RNF144B: variants seen among roughly 807,000 people sequenced by gnomAD.
The protein encoded by RNF144B is ring finger protein 144B, also known as E3 ubiquitin-protein ligase RNF144B.
In RNF144B, 25 loss-of-function variants were observed where a neutral mutation model predicts 40.2. The ratio of observed to expected loss-of-function variants is 0.62; its 90% CI spans 0.45 to 0.87. The LOEUF is 0.87. Ranked by LOEUF, RNF144B falls within the 40% of genes least tolerant of loss-of-function variation. The probability of loss-of-function intolerance (pLI) is 0.00; values close to 1 mark genes in which losing one functional copy is unlikely to be tolerated. For synonymous variants in RNF144B, 145 were observed against 136.3 expected, an observed-to-expected ratio of 1.06 and a Z score of -0.44; for missense variants, 365 against 373.7, an observed-to-expected ratio of 0.98 and a Z score of 0.19.
Position 18,463,363 on chromosome 6 carries a change from A to C in RNF144B, c.754A>C (p.Met252Leu). The C allele has an allele frequency of 6.8e-6, 11 of 1,608,636 alleles. No homozygotes were observed. The highest frequency in any genetic ancestry group is 9.4e-6 in the Non-Finnish European group (11 of 1,174,998). The change falls in exon 7 of 8, where the codon ATG becomes CTG. Residue 252 changes from methionine (M) to leucine (L), a missense_variant. Physicochemically the swap from Met to Leu is conservative, Grantham distance 15 (BLOSUM62 2). Coordinates refer to ENST00000259939, the MANE Select transcript of RNF144B (RefSeq NM_182757.4). ...ACTTGGCCACTCAAGAGCATCAGTGATGTGGAACCGAACACAGGTACCCTG... is the reference window on the plus strand; with the variant it reads ...ACTTGGCCACTCAAGAGCATCAGTGCTGTGGAACCGAACACAGGTACCCTG... ...NKLGHSRASV[M>L]WNRTQVVGIL... is the part of the protein sequence containing the mutation.
chr6:18,461,862 C>T lies in RNF144B; in HGVS notation c.682-1429C>T, dbSNP rs377124621. On this transcript the variant is annotated intron_variant, in intron 6 of 7. Coordinates refer to ENST00000259939, the MANE Select transcript of RNF144B (RefSeq NM_182757.4). ...GATTGTCTAAAATCCAGGCCTGAGA[C>T]GGACACCAAACAGGAATTTTGAGTG... is the stretch of plus-strand genomic sequence containing the variant. 7.2e-5 allele frequency among the ~76,000 whole-genome samples: 11 copies of T among 152,028 alleles called. No individual in the cohort carries two copies. In the East Asian group the frequency reaches 1.3e-3, roughly 19 times the overall value.
At position 18,408,557 on chromosome 6, in the gene RNF144B, G is replaced by C. The variant is rs535524770; in HGVS notation, c.165+8858G>C. Among the ~76,000 whole-genome samples, 34 of 152,266 alleles carry C rather than the reference G, an allele frequency of 2.2e-4. No homozygotes were observed. The South Asian group carries it at 6.8e-3, about 31-fold the overall frequency. ...TGGCATTCACTCGGATCCCTCTTCA[G>C]GGCAATGTTTCTATCCTCCATTTCC... On this transcript the variant is annotated intron_variant, in intron 2 of 7. Coordinates refer to ENST00000259939, the MANE Select transcript of RNF144B (RefSeq NM_182757.4).
intron 6 of RNF144B, 144 bp from the exon 7 acceptor site, chr6:18,463,147 G>A: frequency 1.7e-6 from 1 of 593,754 alleles, no homozygotes; most frequent in South Asian, 2.1e-5. Flanking sequence ...CCAAGATAAA[G>A]ATTACAGGCT....
rs73377603 is a variant in RNF144B, at chr6:18,416,461, C to T, written c.166-11120C>T. ...CAGAGCTATTTCTGTCATAGAGTTT[C>T]TTAATTTAGATATTTCATGATCATT... On this transcript the variant is annotated intron_variant, in intron 2 of 7. Coordinates refer to ENST00000259939, the MANE Select transcript of RNF144B (RefSeq NM_182757.4). The surrounding 1 kb of genome is among the most constrained non-coding windows in gnomAD (Gnocchi z 5.5). Among the ~76,000 whole-genome samples the T allele has an allele frequency of 4.7e-3, 710 of 152,250 alleles. 9 individuals carry two copies. Among genetic ancestry groups the T allele is most frequent in the African/African-American group, 0.016 (665 of 41,542 alleles).
chr6:18,405,150 TTTATTA>T lies in RNF144B; in HGVS notation c.165+5472_165+5477del, dbSNP rs71536790. 6.2e-5 allele frequency among the ~76,000 whole-genome samples: 9 copies of T among 146,226 alleles called. No individual in the cohort carries two copies. The highest frequency in any genetic ancestry group is 2.0e-4 in the East Asian group (1 of 5,062). ...CTTGCTTGCAAGGTTAGTTTTTTTCTTTATTATTATTATTATTATTATTATTGTTAT... is the reference window on the plus strand; with the variant it reads ...CTTGCTTGCAAGGTTAGTTTTTTTCTTTATTATTATTATTATTATTGTTAT... On this transcript the variant is annotated intron_variant, in intron 2 of 7. Coordinates refer to ENST00000259939, the MANE Select transcript of RNF144B (RefSeq NM_182757.4). The surrounding 1 kb of genome is among the most constrained non-coding windows in gnomAD (Gnocchi z 4.5).
chr6:18,391,741 G>A lies in RNF144B; in HGVS notation c.-37+4111G>A, dbSNP rs909189361. ...AAATTAGCCAAGCGTGGTGGTGGGC[G>A]CCTGTAGTCCCAGCTACTCGGGAGG... On this transcript the variant is annotated intron_variant, in intron 1 of 7. Coordinates refer to ENST00000259939, the MANE Select transcript of RNF144B (RefSeq NM_182757.4). Among the ~76,000 whole-genome samples the A allele has an allele frequency of 6.6e-5, 10 of 151,492 alleles. No homozygotes were observed. The East Asian group carries it at 9.8e-4, about 15-fold the overall frequency.
chr6:18,427,890 C>A (rs372535574), intron 3 of RNF144B, among the ~76,000 whole-genome samples: 43 of 152,256 alleles, frequency 2.8e-4, no homozygotes, highest in African/African-American at 1.0e-3. Flanking sequence ...TTTACATATA[C>A]CATCTTGAGT....
At chr6:18,393,221 C>G (rs1224215164) in intron 1 of RNF144B, among the ~76,000 whole-genome samples, 1 of 151,960 alleles carries the variant, frequency 6.6e-6, no homozygotes, top group African/African-American at 2.4e-5. Flanking sequence ...TTGTTCATGT[C>G]CTCTTAGGTT....
At chr6:18,399,749 C>A in intron 2 of RNF144B, 50 bp downstream of exon 2, 2 of 1,446,498 alleles carry the variant, frequency 1.4e-6, no homozygotes, top group South Asian at 2.3e-5. Context: ...AGGGAAAAAT[C>A]ATAAAAGTAG....
intron 3 of RNF144B, among the ~76,000 whole-genome samples, chr6:18,431,684 G>A (rs1758699238): frequency 6.6e-6 from 1 of 152,160 alleles, no homozygotes; most frequent in African/African-American, 2.4e-5. Context: ...TCTTTGTCTT[G>A]CTGCTATTTA....
intron 1 of RNF144B, 73 bp from the exon 2 acceptor site, chr6:18,399,426 G>C: frequency 9.7e-7 from 1 of 1,035,306 alleles, no homozygotes; most frequent in South Asian, 1.7e-5. Flanking sequence ...TGATCAGCTG[G>C]CCTCCAGACG....
intron 3 of RNF144B, among the ~76,000 whole-genome samples, chr6:18,433,662 T>G (rs1289899142): frequency 1.3e-5 from 2 of 152,172 alleles, no homozygotes; most frequent in African/African-American, 4.8e-5. Context: ...AAAGCTGCCC[T>G]CTACAGTGGA....
rs1759404745 is a variant in RNF144B at position 18,459,474 on chromosome 6, T to C, written c.537-133T>C. 7 of 780,346 alleles carry C rather than the reference T, an allele frequency of 9.0e-6. No individual in the cohort carries two copies. The highest frequency in any genetic ancestry group is 1.4e-5 in the Non-Finnish European group (7 of 488,686). 48.3% of individuals were successfully genotyped at this position (780,346 alleles called of 1,614,324 possible). A position where few individuals can be genotyped will look rare whatever the true frequency, so the allele number is the denominator to read the frequency against. On this transcript the variant is annotated intron_variant, in intron 5 of 7. Coordinates refer to ENST00000259939, the MANE Select transcript of RNF144B (RefSeq NM_182757.4). This position sits in a 1 kb window ranked among gnomAD's most constrained non-coding sequence, Gnocchi z 4.2. ...GTTATCTGTACATCTAATAATGTTTTTGCCCACACCCTTTCTTTTGGAAGT... is the reference window on the plus strand; with the variant it reads ...GTTATCTGTACATCTAATAATGTTTCTGCCCACACCCTTTCTTTTGGAAGT...
chr6:18,424,201 C>T (rs1323069569), intron 2 of RNF144B, among the ~76,000 whole-genome samples: 1 of 152,016 alleles, frequency 6.6e-6, no homozygotes, highest in Non-Finnish European at 1.5e-5. Flanking sequence ...ACTTTTTAGC[C>T]AGAGATACAG....
Position 18,396,642 on chromosome 6 carries a change from G to T in RNF144B, c.-36-2857G>T, listed in dbSNP as rs573858659. 1.2e-5 allele frequency: 12 copies of T among 985,258 alleles called. 1 individual carries two copies. In the East Asian group the frequency reaches 4.5e-4, roughly 37 times the overall value. The allele number at this position is 985,258 out of a possible 1,614,324, so 61.0% of individuals were successfully genotyped here. A position where few individuals can be genotyped will look rare whatever the true frequency, so the allele number is the denominator to read the frequency against. Reference sequence around the variant, plus strand: ...CGTTTCTTCTTGTTGTTTTACTTGGGATTTCTCTTGAAAGAAAGATAATTC... The same window carrying T: ...CGTTTCTTCTTGTTGTTTTACTTGGTATTTCTCTTGAAAGAAAGATAATTC... On this transcript the variant is annotated intron_variant, in intron 1 of 7. Coordinates refer to ENST00000259939, the MANE Select transcript of RNF144B (RefSeq NM_182757.4).
In RNF144B at chr6:18,416,168, G is replaced by A. The variant is rs1450137288; in HGVS notation, c.166-11413G>A. ...CTTTTCTGAGCATACTGTGTCATAA[G>A]ATAGCACCTGGGCCAGAGGGATCTC... On this transcript the variant is annotated intron_variant, in intron 2 of 7. Transcript: ENST00000259939. This position sits in a 1 kb window ranked among gnomAD's most constrained non-coding sequence, Gnocchi z 5.5. Among the ~76,000 whole-genome samples, 1 of 152,166 alleles carries A rather than the reference G, an allele frequency of 6.6e-6. No homozygotes were observed. Among genetic ancestry groups the A allele is most frequent in the Non-Finnish European group, 1.5e-5 (1 of 68,034 alleles).
intron 1 of RNF144B, among the ~76,000 whole-genome samples, chr6:18,392,587 G>T (rs1258993569): frequency 6.6e-6 from 1 of 152,064 alleles, no homozygotes; most frequent in African/African-American, 2.4e-5. Context: ...CTGTTGAAAT[G>T]ACGATGTTAA....
At chr6:18,423,888 T>C (rs956105305) in intron 2 of RNF144B, among the ~76,000 whole-genome samples, 3 of 152,234 alleles carry the variant, frequency 2.0e-5, no homozygotes, top group Non-Finnish European at 4.4e-5. Flanking sequence ...GGTTTTGAGA[T>C]GTTCTATTTG....
In RNF144B at chr6:18,425,656, G is replaced by A. The variant is rs1368229958; in HGVS notation, c.166-1925G>A. Among the ~76,000 whole-genome samples, 1 of 152,048 alleles carries A rather than the reference G, an allele frequency of 6.6e-6. No homozygotes were observed. Among genetic ancestry groups the A allele is most frequent in the East Asian group, 1.9e-4 (1 of 5,178 alleles). ...GGTTAAAACACAGTAATTATATGGC[G>A]GTCAAGTGCAAGAGAGGAGTGACTG... On this transcript the variant is annotated intron_variant, in intron 2 of 7. Transcript: ENST00000259939. The surrounding 1 kb of genome is among the most constrained non-coding windows in gnomAD (Gnocchi z 4.2).
Sources: allele counts gnomAD v4.1 joint callset (sites outside exome capture counted in the v4.1 genomes callset), GRCh38; gene constraint gnomAD v4.1.1; non-coding constraint Gnocchi (gnomAD v3.1); transcripts MANE v1.5; gene names NCBI Gene and HGNC (gene_info 2026-07-23, HGNC 2026-07-21).